The following TIAM1 variants were observed in gnomAD, a reference collection of about 807,000 sequenced individuals.
TIAM1 encodes the protein rho guanine nucleotide exchange factor TIAM1.
A neutral mutation model predicts 163.5 loss-of-function variants in TIAM1; 65 were observed. The observed-to-expected ratio is 0.40, with a 90% CI of 0.33 to 0.49. The LOEUF (loss-of-function observed/expected upper bound fraction) is 0.49, where lower values mean the gene tolerates loss of function less well. Ranked by LOEUF, TIAM1 falls within the 20% of genes least tolerant of loss-of-function variation. TIAM1 has a pLI of 0.77. For missense variants in TIAM1, 1,789 were observed against 2,044.7 expected, an observed-to-expected ratio of 0.87 and a Z score of 2.41; for synonymous variants, 833 against 810.1, an observed-to-expected ratio of 1.03 and a Z score of -0.48.
chr21:31,542,613 A>G (rs980323717), intron 1 of TIAM1, among the ~76,000 whole-genome samples: 1 of 152,114 alleles, frequency 6.6e-6, no homozygotes, highest in Non-Finnish European at 1.5e-5. Flanking sequence ...CCAGGTACAA[A>G]TTCTTCCGCA....
intron 11 of TIAM1, among the ~76,000 whole-genome samples, chr21:31,209,574 T>C (rs1219073091): frequency 6.6e-6 from 1 of 152,218 alleles, no homozygotes; most frequent in Non-Finnish European, 1.5e-5. Flanking sequence ...CCATAGTGTA[T>C]CGGTTACTGA....
At chr21:31,307,909 A>G (rs1326880922) in intron 2 of TIAM1, among the ~76,000 whole-genome samples, 2 of 152,190 alleles carry the variant, frequency 1.3e-5, no homozygotes, top group African/African-American at 4.8e-5. Flanking sequence ...GATGGGGAGA[A>G]GAGAGCCAAG....
At chr21:31,508,285 C>G (rs1341640633) in intron 1 of TIAM1, among the ~76,000 whole-genome samples, 1 of 152,096 alleles carries the variant, frequency 6.6e-6, no homozygotes, top group African/African-American at 2.4e-5. Flanking sequence ...GGAAACCCTA[C>G]AGGGTGGAAC....
At chr21:31,217,782 C>A in intron 8 of TIAM1, 83 bp from the exon 9 acceptor site, 1 of 1,517,548 alleles carries the variant, frequency 6.6e-7, no homozygotes, top group Non-Finnish European at 8.9e-7. Context: ...TAAGTCCCAC[C>A]CTTCAAAAAA....
chr21:31,189,044 C>CTTTTTTTTTTTTTTTTTT (rs58786753), intron 13 of TIAM1, among the ~76,000 whole-genome samples: 1 of 70,070 alleles, frequency 1.4e-5, no homozygotes, highest in African/African-American at 5.7e-5. Context: ...TCCATTCCCT[C>CTTTTTTTTTTTTTTTTTT]TTTTTTTTTT....
At chr21:31,278,923 T>G (rs181620304) in intron 2 of TIAM1, among the ~76,000 whole-genome samples, 86 of 152,306 alleles carry the variant, frequency 5.6e-4, no homozygotes, top group African/African-American at 2.0e-3. Flanking sequence ...CCATTTATGC[T>G]GAAATGGACT....
intron 5 of TIAM1, among the ~76,000 whole-genome samples, chr21:31,246,211 C>T (rs116784113): frequency 0.018 from 2,677 of 152,024 alleles, 81 homozygotes; most frequent in African/African-American, 0.061. Flanking sequence ...TCTAACATCC[C>T]ATCTATAAAC....
chr21:31,346,105 G>A (rs562639134), upstream of TIAM1, among the ~76,000 whole-genome samples: 12 of 152,018 alleles, frequency 7.9e-5, no homozygotes, highest in Admixed American at 2.6e-4. Flanking sequence ...ATATCTAGTA[G>A]GTAGAGTCCA....
chr21:31,476,095 G>A (rs1049921854), intron 1 of TIAM1, among the ~76,000 whole-genome samples: 23 of 152,254 alleles, frequency 1.5e-4, no homozygotes, highest in African/African-American at 4.8e-4. Flanking sequence ...CAGGACAAAC[G>A]AAATATCTGC....
intron 2 of TIAM1, among the ~76,000 whole-genome samples, chr21:31,321,238 G>C (rs1160102035): frequency 6.6e-6 from 1 of 152,144 alleles, no homozygotes; most frequent in Non-Finnish European, 1.5e-5. Context: ...ATTCAGCATC[G>C]GCAGGCCTGC....
rs909656592 is a variant in TIAM1, at chr21:31,555,014, AG to A, written c.-422+3912del. ...TGCCAGAGGCTGGGAAGGGAATGGA[AG>A]GGGAAAACTCCACCTAACTATTAAT... On this transcript the variant is annotated intron_variant, in intron 1 of 28. Coordinates refer to the TIAM1 transcript ENST00000286827. Among the ~76,000 whole-genome samples the A allele has an allele frequency of 9.1e-4, 139 of 152,276 alleles. 1 individual carries two copies. Among genetic ancestry groups the A allele is most frequent in the African/African-American group, 3.2e-3 (134 of 41,570 alleles).
Position 31,535,360 on chromosome 21 carries a change from G to A in TIAM1, c.-422+23567C>T, listed in dbSNP as rs186088181. On this transcript the variant is annotated intron_variant, in intron 1 of 28. Coordinates refer to the TIAM1 transcript ENST00000286827. ...TGTGCCACTGCACTCCAGCCTGGGCGACAGAGGAAGGCTCCATCTCAAAAA... is the reference window on the plus strand; with the variant it reads ...TGTGCCACTGCACTCCAGCCTGGGCAACAGAGGAAGGCTCCATCTCAAAAA... Among the ~76,000 whole-genome samples, 51 of 121,776 alleles carry A rather than the reference G, an allele frequency of 4.2e-4. 1 individual carries two copies. The East Asian group carries it at 0.011, about 27-fold the overall frequency. The allele number at this position is 121,776 out of a possible 152,430, so 79.9% of individuals were successfully genotyped here. A position where few individuals can be genotyped will look rare whatever the true frequency, so the allele number is the denominator to read the frequency against.
rs140919161 is a variant in TIAM1 at position 31,316,937 on chromosome 21, A to C, written c.-189+22306T>G. On this transcript the variant is annotated intron_variant, in intron 2 of 27. Coordinates refer to ENST00000541036, the MANE Select transcript of TIAM1 (RefSeq NM_001353694.2). ...CTGCCTAGGTGGGTAAGTCTACCTA[A>C]CTCAAATGGCCAGGGATGTCCAGGA... Among the ~76,000 whole-genome samples, 418 of 152,256 alleles carry C rather than the reference A, an allele frequency of 2.7e-3. 1 individual carries two copies. The highest frequency in any genetic ancestry group is 0.014 in the Middle Eastern group (4 of 294).
intron 11 of TIAM1, among the ~76,000 whole-genome samples, chr21:31,204,596 G>A (rs970667517): frequency 6.6e-6 from 1 of 152,014 alleles, no homozygotes; most frequent in South Asian, 2.1e-4. Context: ...TACACTTAAC[G>A]AACTCTTAGA....
At chr21:31,213,873 A>C (rs1056101632) in intron 9 of TIAM1, among the ~76,000 whole-genome samples, 7 of 151,184 alleles carry the variant, frequency 4.6e-5, no homozygotes, top group African/African-American at 1.7e-4. Context: ...CTACAAAAAA[A>C]AAAAAAAAAA....
At position 31,456,143 on chromosome 21, in the gene TIAM1, A is replaced by G. The variant is rs2147338229; in HGVS notation, c.-369+7840T>C. 1.3e-5 allele frequency among the ~76,000 whole-genome samples: 2 copies of G among 152,358 alleles called. 1 individual carries two copies. Among genetic ancestry groups the G allele is most frequent in the South Asian group, 4.1e-4 (2 of 4,828 alleles). ...TTCCAGAAGGGGGTTGTTGGAAAAG[A>G]AATCTCTTTTGCATTATATTCTTAT... is the stretch of plus-strand genomic sequence containing the variant. On this transcript the variant is annotated intron_variant, in intron 2 of 28. Coordinates refer to the TIAM1 transcript ENST00000286827.
chr21:31,514,770 C>A (rs560293204), intron 1 of TIAM1, among the ~76,000 whole-genome samples: 1 of 152,336 alleles, frequency 6.6e-6, no homozygotes, highest in East Asian at 1.9e-4. Context: ...GCAGAGTGCA[C>A]GCCTGGAGGT....
Position 31,322,413 on chromosome 21 carries a change from G to A in TIAM1, c.-189+16830C>T, listed in dbSNP as rs141032243. Reference sequence around the variant, plus strand: ...AGCACTCCTCTAAGTCATGACACACGTAAATTCATGTCCTACTCACGATAC... The same window carrying A: ...AGCACTCCTCTAAGTCATGACACACATAAATTCATGTCCTACTCACGATAC... On this transcript the variant is annotated intron_variant, in intron 2 of 27. Coordinates refer to ENST00000541036, the MANE Select transcript of TIAM1 (RefSeq NM_001353694.2). Among the ~76,000 whole-genome samples, 113 of 140,426 alleles carry A rather than the reference G, an allele frequency of 8.0e-4. 1 individual carries two copies. In the Middle Eastern group the frequency reaches 0.013, roughly 16 times the overall value. The allele number at this position is 140,426 out of a possible 152,430, so 92.1% of individuals were successfully genotyped here. A position where few individuals can be genotyped will look rare whatever the true frequency, so the allele number is the denominator to read the frequency against.
At chr21:31,154,522 T>C in intron 16 of TIAM1, 96 bp from the exon 17 acceptor site, 1 of 1,297,704 alleles carries the variant, frequency 7.7e-7, no homozygotes. Context: ...CCCTGGTTAG[T>C]CAACTGTCAC....
Sources: allele counts gnomAD v4.1 joint callset (sites outside exome capture counted in the v4.1 genomes callset), GRCh38; gene constraint gnomAD v4.1.1; transcripts MANE v1.5; gene names NCBI Gene and HGNC (gene_info 2026-07-23, HGNC 2026-07-21).